The following MDGA2 variants were observed in gnomAD, a reference collection of about 807,000 sequenced individuals.
The protein encoded by MDGA2 is MAM domain containing glycosylphosphatidylinositol anchor 2.
In MDGA2, 40 loss-of-function variants were observed where a neutral mutation model predicts 117.8. The ratio of observed to expected loss-of-function variants is 0.34; its 90% CI spans 0.26 to 0.44. MDGA2 has a LOEUF of 0.44. MDGA2 is among the 20% of genes least tolerant of loss of function. The probability of loss-of-function intolerance (pLI) is 1.00; values close to 1 mark genes in which losing one functional copy is unlikely to be tolerated. For missense variants in MDGA2, 1,123 were observed against 1,250.6 expected (o/e 0.90, Z 1.54); for synonymous variants, 452 against 439.0 (o/e 1.03, Z -0.37).
intron 8 of MDGA2, among the ~76,000 whole-genome samples, chr14:47,000,998 C>T (rs992220383): frequency 2.6e-5 from 4 of 151,894 alleles, no homozygotes; most frequent in African/African-American, 9.7e-5. Context: ...ACATCATCAG[C>T]CCAAGATGTG....
intron 1 of MDGA2, among the ~76,000 whole-genome samples, chr14:47,565,582 G>C (rs1895901896): frequency 6.6e-6 from 1 of 152,220 alleles, no homozygotes; most frequent in African/African-American, 2.4e-5. Flanking sequence ...AAAGTTCTTT[G>C]TTGAGTAGTA....
At chr14:47,538,212 T>C (rs566970734) in intron 1 of MDGA2, among the ~76,000 whole-genome samples, 1 of 152,336 alleles carries the variant, frequency 6.6e-6, no homozygotes, top group African/African-American at 2.4e-5. Context: ...TGGATATATA[T>C]GGCTTAGTGA....
intron 1 of MDGA2, among the ~76,000 whole-genome samples, chr14:47,616,976 T>C (rs1263190327): frequency 6.6e-6 from 1 of 152,200 alleles, no homozygotes; most frequent in Non-Finnish European, 1.5e-5. Context: ...GCAACTGTCC[T>C]ATTGGACAGC....
chr14:47,612,576 C>T (rs1244080918), intron 1 of MDGA2, among the ~76,000 whole-genome samples: 1 of 152,120 alleles, frequency 6.6e-6, no homozygotes. Context: ...TGTCTTTCAA[C>T]TTCTCAAACA....
At chr14:47,074,980 C>CT (rs567464853) in intron 6 of MDGA2, among the ~76,000 whole-genome samples, 4 of 152,020 alleles carry the variant, frequency 2.6e-5, no homozygotes, top group African/African-American at 7.2e-5. Flanking sequence ...TATGTCTGAT[C>CT]TTTTTTTTCC....
intron 1 of MDGA2, among the ~76,000 whole-genome samples, chr14:47,559,208 G>A (rs776427499): frequency 5.9e-5 from 9 of 152,124 alleles, no homozygotes; most frequent in South Asian, 2.1e-4. Context: ...CATAGTACAC[G>A]GCAGACAGTT....
chr14:47,037,267 A>G (rs1438479632), intron 7 of MDGA2, among the ~76,000 whole-genome samples: 1 of 152,228 alleles, frequency 6.6e-6, no homozygotes, highest in Non-Finnish European at 1.5e-5. Flanking sequence ...TTATGCTTTC[A>G]TTTAAACCCC....
intron 1 of MDGA2, among the ~76,000 whole-genome samples, chr14:47,431,825 C>G (rs770265399): frequency 3.9e-5 from 6 of 151,990 alleles, no homozygotes; most frequent in Non-Finnish European, 7.4e-5. Context: ...GCAGTTCATG[C>G]TATACTTCAG....
At chr14:47,628,037 C>T (rs1897183040) in intron 1 of MDGA2, among the ~76,000 whole-genome samples, 1 of 152,152 alleles carries the variant, frequency 6.6e-6, no homozygotes, top group Admixed American at 6.5e-5. Flanking sequence ...GACACAGTAC[C>T]ACCTGCCATA....
chr14:46,945,916 A>G (rs1277386847), intron 9 of MDGA2, among the ~76,000 whole-genome samples: 1 of 152,120 alleles, frequency 6.6e-6, no homozygotes, highest in Non-Finnish European at 1.5e-5. Flanking sequence ...ACAACACAAT[A>G]TTCAAAAGAT....
At chr14:47,386,673 C>T (rs567522294) in intron 1 of MDGA2, among the ~76,000 whole-genome samples, 1 of 152,306 alleles carries the variant, frequency 6.6e-6, no homozygotes, top group East Asian at 1.9e-4. Flanking sequence ...AAGCTAGCCT[C>T]TGGCAATTTG....
Position 47,499,994 on chromosome 14 carries a change from C to T in MDGA2, c.280+174523G>A, listed in dbSNP as rs201717825. 2.0e-5 allele frequency among the ~76,000 whole-genome samples: 3 copies of T among 152,120 alleles called. No individual in the cohort carries two copies. In the East Asian group the frequency reaches 5.8e-4, roughly 29 times the overall value. ...GACATTGTTGGAAAATACACCAATA[C>T]TAAAAGTGTTTAAAGCGATTTAAAA... On this transcript the variant is annotated intron_variant, in intron 1 of 16. Coordinates refer to ENST00000399232, the MANE Select transcript of MDGA2 (RefSeq NM_001113498.3).
chr14:47,148,552 C>A (rs945483086), intron 3 of MDGA2, among the ~76,000 whole-genome samples: 2 of 152,104 alleles, frequency 1.3e-5, no homozygotes, highest in Non-Finnish European at 1.5e-5. Context: ...TGGCAATGTG[C>A]CCACTCCAGA....
intron 8 of MDGA2, among the ~76,000 whole-genome samples, chr14:47,013,009 G>A (rs569574243): frequency 8.9e-4 from 136 of 152,250 alleles, no homozygotes; most frequent in African/African-American, 3.2e-3. Context: ...GAAGTGTCTT[G>A]CCTTGATGTT....
chr14:47,529,277 TAGAC>T (rs1390719366), intron 1 of MDGA2, among the ~76,000 whole-genome samples: 2 of 152,296 alleles, frequency 1.3e-5, no homozygotes, highest in South Asian at 2.1e-4. Flanking sequence ...CTATAAATCA[TAGAC>T]AGATATCAAC....
rs193257675 is a variant in MDGA2, at chr14:47,627,712, A to C, written c.280+46805T>G. On this transcript the variant is annotated intron_variant, in intron 1 of 16. Transcript: ENST00000399232. The stretch of plus-strand genomic sequence containing the variant: ...AGAATAAAAGCAGTCTGCCCCAGCC[A>C]GCAGTGGCAACCCGCTGGGGTCCCC... Among the ~76,000 whole-genome samples the C allele has an allele frequency of 8.5e-3, 1,299 of 152,320 alleles. 8 individuals carry two copies. Among genetic ancestry groups the C allele is most frequent in the Non-Finnish European group, 0.012 (822 of 68,022 alleles).
chr14:47,172,373 G>A (rs557086683), intron 3 of MDGA2, among the ~76,000 whole-genome samples: 69 of 152,142 alleles, frequency 4.5e-4, no homozygotes, highest in Admixed American at 1.6e-3. Context: ...CCTGACCCCC[G>A]AGAAGCCTAA....
chr14:46,960,904 A>AATG lies in MDGA2; in HGVS notation c.1820-3262_1820-3261insCAT, dbSNP rs1386917234. On this transcript the variant is annotated intron_variant, in intron 8 of 16. Coordinates refer to ENST00000399232, the MANE Select transcript of MDGA2 (RefSeq NM_001113498.3). ...TTTATATATACATATATGTATATAT[A>AATG]TTTAATGTTTTATATATACATATAT... is the stretch of plus-strand genomic sequence containing the variant. Among the ~76,000 whole-genome samples the AATG allele has an allele frequency of 2.1e-3, 273 of 131,772 alleles. 2 individuals carry two copies. The highest frequency in any genetic ancestry group is 1.1e-3 in the Non-Finnish European group (63 of 57,892). The allele number at this position is 131,772 out of a possible 152,430, so 86.4% of individuals were successfully genotyped here.
At chr14:47,186,034 C>T (rs890711261) in intron 3 of MDGA2, among the ~76,000 whole-genome samples, 17 of 151,356 alleles carry the variant, frequency 1.1e-4, no homozygotes, top group African/African-American at 3.9e-4. Context: ...ACCATCAATA[C>T]TCATTTAGAT....
Sources: gnomAD v4.1 joint callset for allele counts (sites outside exome capture counted in the v4.1 genomes callset) on GRCh38, gnomAD v4.1.1 for gene constraint, MANE v1.5 for transcripts, NCBI Gene and HGNC (gene_info 2026-07-23, HGNC 2026-07-21) for gene names.